Variants in CCDC7 observed in about 807,000 individuals in gnomAD.
The protein encoded by CCDC7 is coiled-coil domain-containing protein 7.
Under a neutral mutation model 196.9 loss-of-function variants are expected in CCDC7, and 183 were observed. That is an observed-to-expected ratio of 0.93 (90% CI 0.82 to 1.05). CCDC7 has a LOEUF of 1.05. Among genes scored for constraint, CCDC7 ranks in the 50% least tolerant of loss-of-function variants. The pLI, the probability that CCDC7 is intolerant of heterozygous loss-of-function variation, is 0.00. For missense variants in CCDC7, 1,540 were observed against 1,482.2 expected, an observed-to-expected ratio of 1.04 and a Z score of -0.64; for synonymous variants, 525 against 484.6, an observed-to-expected ratio of 1.08 and a Z score of -1.10.
At chr10:32,609,950 G>A (rs1159154474) in intron 18 of CCDC7, among the ~76,000 whole-genome samples, 1 of 152,038 alleles carries the variant, frequency 6.6e-6, no homozygotes. Context: ...GTGCAGATAT[G>A]CTGAACAAAG....
At chr10:32,600,934 G>C (rs1305617767) in intron 18 of CCDC7, among the ~76,000 whole-genome samples, 1 of 152,042 alleles carries the variant, frequency 6.6e-6, no homozygotes, top group African/African-American at 2.4e-5. Context: ...GTTTTTCTGG[G>C]AACATCTTAA....
At chr10:32,530,832 G>A (rs12358659) in intron 11 of CCDC7, among the ~76,000 whole-genome samples, 1 of 151,908 alleles carries the variant, frequency 6.6e-6, no homozygotes, top group Non-Finnish European at 1.5e-5. Flanking sequence ...TCCTTGTCTT[G>A]TTCCAGTCCT....
chr10:32,502,610 C>A (rs1589262162), intron 9 of CCDC7, among the ~76,000 whole-genome samples: 1 of 152,084 alleles, frequency 6.6e-6, no homozygotes, highest in East Asian at 1.9e-4. Flanking sequence ...CACCTTTGTT[C>A]TTTTTGCTTG....
At chr10:32,446,907 T>TCCCTTCCTTCCTTCCTTCC (rs1554831658), upstream of CCDC7, among the ~76,000 whole-genome samples, 625 of 76,262 alleles carry the variant, frequency 8.2e-3, 7 homozygotes, top group Non-Finnish European at 0.018. Context: ...CCTGCCTGCC[T>TCCCTTCCTTCCTTCCTTCC]CCCTCCCTCC....
intron 24 of CCDC7, among the ~76,000 whole-genome samples, chr10:32,705,146 T>C (rs545433751): frequency 2.2e-4 from 34 of 151,430 alleles, no homozygotes; most frequent in Non-Finnish European, 4.0e-4. Flanking sequence ...TATTCGGCCA[T>C]CTTGGCTCCC....
chr10:32,676,360 T>C (rs992217797), intron 21 of CCDC7, among the ~76,000 whole-genome samples: 13 of 151,808 alleles, frequency 8.6e-5, no homozygotes, highest in Non-Finnish European at 1.8e-4. Flanking sequence ...AAAGCCAAAA[T>C]TGACAAATGG....
intron 11 of CCDC7, among the ~76,000 whole-genome samples, chr10:32,542,921 T>C (rs1456784763): frequency 3.3e-5 from 5 of 152,170 alleles, no homozygotes; most frequent in African/African-American, 1.2e-4. Flanking sequence ...TTTAAAAATA[T>C]ATCACCAACA....
At chr10:32,817,060 C>A (rs1004127791) in intron 31 of CCDC7, among the ~76,000 whole-genome samples, 1 of 151,952 alleles carries the variant, frequency 6.6e-6, no homozygotes, top group Non-Finnish European at 1.5e-5. Flanking sequence ...GAAGTTCGAA[C>A]CCATGGCGAA....
intron 29 of CCDC7, among the ~76,000 whole-genome samples, chr10:32,796,856 G>A (rs10827131): frequency 0.14 from 21,009 of 152,056 alleles, 1,754 homozygotes; most frequent in East Asian, 0.25. Context: ...AGGACAAATT[G>A]GGAATTAATA....
At chr10:32,733,168 A>G (rs945295557) in intron 28 of CCDC7, among the ~76,000 whole-genome samples, 4 of 152,088 alleles carry the variant, frequency 2.6e-5, no homozygotes, top group Non-Finnish European at 5.9e-5. Flanking sequence ...ATTATAAAAT[A>G]TGAATACCTT....
chr10:32,637,178 C>T (rs376496875), intron 20 of CCDC7, among the ~76,000 whole-genome samples: 12 of 152,014 alleles, frequency 7.9e-5, no homozygotes, highest in South Asian at 2.1e-4. Flanking sequence ...ATTCTGTAGG[C>T]TGCCTGTTCA....
chr10:32,496,124 T>C (rs941515446), intron 9 of CCDC7, among the ~76,000 whole-genome samples: 5 of 152,128 alleles, frequency 3.3e-5, no homozygotes, highest in Non-Finnish European at 7.4e-5. Context: ...TTGTAAGTTG[T>C]ATTCCTAGGT....
chr10:32,760,579 A>T (rs2077291322), intron 28 of CCDC7, among the ~76,000 whole-genome samples: 1 of 152,008 alleles, frequency 6.6e-6, no homozygotes, highest in African/African-American at 2.4e-5. Context: ...GGAACATCAC[A>T]CACTGGGGCC....
rs954141031 is a variant in CCDC7, at chr10:32,656,880, A to T, written c.2015-7174A>T. Among the ~76,000 whole-genome samples the T allele has an allele frequency of 8.5e-5, 13 of 152,340 alleles. No homozygotes were observed. The East Asian group carries it at 2.3e-3, about 27-fold the overall frequency. Reference sequence around the variant, plus strand: ...TATCACCCTGTGAAATCAAAGGCTTACTTTCCAGATACAATGGGGGAACAT... The same window carrying T: ...TATCACCCTGTGAAATCAAAGGCTTTCTTTCCAGATACAATGGGGGAACAT... On this transcript the variant is annotated intron_variant, in intron 20 of 41. Transcript: ENST00000639629.
intron 11 of CCDC7, among the ~76,000 whole-genome samples, chr10:32,528,616 G>T (rs985566107): frequency 6.7e-6 from 1 of 149,078 alleles, no homozygotes; most frequent in Admixed American, 6.7e-5. Flanking sequence ...GTATTCCATG[G>T]TATTCCATGG....
chr10:32,474,940 C>A (rs1285265339), intron 8 of CCDC7, among the ~76,000 whole-genome samples: 1 of 152,174 alleles, frequency 6.6e-6, no homozygotes, highest in East Asian at 1.9e-4. Context: ...TAAACCCAAA[C>A]GTTGCCATGT....
intron 8 of CCDC7, among the ~76,000 whole-genome samples, chr10:32,481,247 TATTC>T (rs2039912206): frequency 6.6e-6 from 1 of 152,168 alleles, no homozygotes; most frequent in African/African-American, 2.4e-5. Flanking sequence ...CTTGTTTTTT[TATTC>T]ATTCAGCCCT....
chr10:32,753,457 A>G (rs1401925074), intron 28 of CCDC7, among the ~76,000 whole-genome samples: 1 of 152,182 alleles, frequency 6.6e-6, no homozygotes, highest in African/African-American at 2.4e-5. Flanking sequence ...TGAGGGAAAT[A>G]CTGAAATACT....
chr10:32,543,138 C>A (rs910752770), intron 11 of CCDC7, among the ~76,000 whole-genome samples, 162 bp from the exon 13 acceptor site: 3 of 152,098 alleles, frequency 2.0e-5, no homozygotes, highest in African/African-American at 7.2e-5. Context: ...ACAAACAGAC[C>A]AGATGTGTCA....
Sources: gnomAD v4.1 joint callset for allele counts (sites outside exome capture counted in the v4.1 genomes callset) on GRCh38, gnomAD v4.1.1 for gene constraint, MANE v1.5 for transcripts, NCBI Gene and HGNC (gene_info 2026-07-23, HGNC 2026-07-21) for gene names.